Variants in FAM120AOS observed in about 807,000 individuals in gnomAD.
FAM120AOS encodes uncharacterized protein FAM120AOS.
Under a neutral mutation model 20.2 loss-of-function variants are expected in FAM120AOS, and 15 were observed. The ratio of observed to expected loss-of-function variants is 0.74; its 90% CI spans 0.50 to 1.15. The LOEUF (loss-of-function observed/expected upper bound fraction) is 1.15, where lower values mean the gene tolerates loss of function less well. Ranked by LOEUF, FAM120AOS falls within the 50% of genes most tolerant of loss-of-function variation. The probability of loss-of-function intolerance (pLI) is 0.00; values close to 1 mark genes in which losing one functional copy is unlikely to be tolerated. For missense variants in FAM120AOS, 327 were observed against 351.9 expected (o/e 0.93, Z 0.57); for synonymous variants, 154 against 154.0 (o/e 1.00, Z 0.00).
intron 1 of FAM120AOS, chr9:93,450,948 T>G (rs1857131269): frequency 7.4e-7 from 1 of 1,352,262 alleles, no homozygotes; most frequent in East Asian, 2.5e-5. Context: ...AACAGACCTG[T>G]GCTCTCAAGA....
chr9:93,451,704 C>T, intron 1 of FAM120AOS: 1 of 984,556 alleles, frequency 1.0e-6, no homozygotes, highest in Non-Finnish European at 1.2e-6. Context: ...GCAGCGGCGG[C>T]AGCGGCGGCG....
chr9:93,445,946 C>T lies in FAM120AOS; in HGVS notation c.*1665G>A, dbSNP rs1373865112. The stretch of plus-strand genomic sequence containing the variant: ...TCTCATGAATAACTGTGCCAAAATC[C>T]TCACTTCTGAGTGCACTGATGCAGT... On this transcript the variant is annotated 3_prime_UTR_variant, in exon 3 of 3. Transcript: ENST00000375412. 6.6e-6 allele frequency among the ~76,000 whole-genome samples: 1 copy of T among 152,092 alleles called. No individual in the cohort carries two copies. The highest frequency in any genetic ancestry group is 1.9e-4 in the East Asian group (1 of 5,186).
In FAM120AOS at chr9:93,444,824, G is replaced by A. The variant is rs1057383720; in HGVS notation, c.*2787C>T. On this transcript the variant is annotated 3_prime_UTR_variant, in exon 3 of 3. Coordinates refer to ENST00000375412, the MANE Select transcript of FAM120AOS (RefSeq NM_198841.4). ...AGACAGGGTTTCTCCATGTTTGTCAGGCTGGTCTTGAACTCCCGACCTCAG... is the reference window on the plus strand; with the variant it reads ...AGACAGGGTTTCTCCATGTTTGTCAAGCTGGTCTTGAACTCCCGACCTCAG... Among the ~76,000 whole-genome samples, 1 of 152,052 alleles carries A rather than the reference G, an allele frequency of 6.6e-6. No individual in the cohort carries two copies. Among genetic ancestry groups the A allele is most frequent in the African/African-American group, 2.4e-5 (1 of 41,398 alleles).
chr9:93,449,555 C>T (rs1043232831), intron 2 of FAM120AOS, among the ~76,000 whole-genome samples: 6 of 124,712 alleles, frequency 4.8e-5, no homozygotes, highest in African/African-American at 1.9e-4. Flanking sequence ...AGTGCAGTGG[C>T]GTGATCACTG....
At position 93,452,853 on chromosome 9, in the gene FAM120AOS, C is replaced by T; in HGVS notation, c.-144G>A. On this transcript the variant is annotated 5_prime_UTR_variant, in exon 1 of 3. Coordinates refer to ENST00000375412, the MANE Select transcript of FAM120AOS (RefSeq NM_198841.4). This position sits in a 1 kb window ranked among gnomAD's most constrained non-coding sequence, Gnocchi z 7.0. ...TAATAGAGGGGGTTTCGCCAGAGCCCTTGGGGGCTGCAAATATCAGTGCTG... is the reference window on the plus strand; with the variant it reads ...TAATAGAGGGGGTTTCGCCAGAGCCTTTGGGGGCTGCAAATATCAGTGCTG... 1 of 1,490,326 alleles carries T rather than the reference C, an allele frequency of 6.7e-7. No homozygotes were observed. The highest frequency in any genetic ancestry group is 8.9e-7 in the Non-Finnish European group (1 of 1,129,188). The allele number at this position is 1,490,326 out of a possible 1,614,324, so 92.3% of individuals were successfully genotyped here. A position where few individuals can be genotyped will look rare whatever the true frequency, so the allele number is the denominator to read the frequency against.
chr9:93,451,665 CCCTCAGCCTCGGCCTCGG>C, intron 1 of FAM120AOS: 1 of 981,898 alleles, frequency 1.0e-6, no homozygotes, highest in South Asian at 4.5e-5. Flanking sequence ...CCCGCCCCGG[CCCTCAGCCTCGGCCTCGG>C]CCTCGGCCTC....
At position 93,447,591 on chromosome 9, in the gene FAM120AOS, C is replaced by T. The variant is rs199960989; in HGVS notation, c.*20G>A. On this transcript the variant is annotated 3_prime_UTR_variant, in exon 3 of 3. Transcript: ENST00000375412. ...GTTTCTTGTCCTTTCAATGCCTCTG[C>T]AGAACTTGACCCTAGTTTTTCAAAT... 2,373 of 1,610,368 alleles carry T rather than the reference C, an allele frequency of 1.5e-3. 8 individuals carry two copies. Among genetic ancestry groups the T allele is most frequent in the South Asian group, 6.2e-3 (563 of 90,870 alleles).
At chr9:93,450,288 C>G (rs1443169349) in intron 2 of FAM120AOS, among the ~76,000 whole-genome samples, 191 bp downstream of exon 2, 2 of 152,232 alleles carry the variant, frequency 1.3e-5, no homozygotes, top group East Asian at 3.8e-4. Flanking sequence ...CGCACCTGGC[C>G]TGTATTATTT....
chr9:93,448,129 C>T (rs1017374468), intron 2 of FAM120AOS, among the ~76,000 whole-genome samples: 1 of 152,130 alleles, frequency 6.6e-6, no homozygotes, highest in Non-Finnish European at 1.5e-5. Flanking sequence ...TCTCTTATTA[C>T]CTTGTTTGAA....
rs1042624174 is a variant in FAM120AOS, at chr9:93,443,755, G to A, written c.*3856C>T. On this transcript the variant is annotated 3_prime_UTR_variant, in exon 3 of 3. Transcript: ENST00000375412. ...GGAATTCAGCTCATGTACAGAATTA[G>A]AGAATCCTCTTTTCAGGTCTTTGCT... 2.0e-5 allele frequency among the ~76,000 whole-genome samples: 3 copies of A among 152,150 alleles called. No homozygotes were observed. Among genetic ancestry groups the A allele is most frequent in the African/African-American group, 7.2e-5 (3 of 41,434 alleles).
rs538036846 is a variant in FAM120AOS at position 93,444,874 on chromosome 9, A to G, written c.*2737T>C. Among the ~76,000 whole-genome samples, 37 of 152,274 alleles carry G rather than the reference A, an allele frequency of 2.4e-4. No homozygotes were observed. The South Asian group carries it at 7.0e-3, about 29-fold the overall frequency. On this transcript the variant is annotated 3_prime_UTR_variant, in exon 3 of 3. Transcript: ENST00000375412. ...GGTGATCCACCCGCCTCGGCCTCCC[A>G]AAGTGCTGGGATTACAGGAATGAGC...
At chr9:93,450,905 T>G in intron 1 of FAM120AOS, 1 of 1,042,670 alleles carries the variant, frequency 9.6e-7, no homozygotes, top group South Asian at 1.4e-5. Flanking sequence ...GTCTAGCCAT[T>G]GCGCAGTGGT....
At position 93,452,581 on chromosome 9, in the gene FAM120AOS, A is replaced by G. The variant is rs79629992; in HGVS notation, c.129T>C (p.Ala43=). 5,397 of 1,596,618 alleles carry G rather than the reference A, an allele frequency of 3.4e-3. 155 individuals are homozygous for G. In the African/African-American group the frequency reaches 0.063, roughly 19 times the overall value. The change falls in exon 1 of 3, where the codon GCT becomes GCC. Residue 43 remains alanine, a synonymous_variant. Transcript: ENST00000375412. The surrounding 1 kb of genome is among the most constrained non-coding windows in gnomAD (Gnocchi z 7.0). ...RTPNRDSWRR[A]WAARGLHPRP... is the part of the protein sequence containing the mutation. Reference sequence around the variant, plus strand: ...GCGGGTGCAGGCCGCGCGCTGCCCAAGCCCGTCTCCAGCTGTCCCTGTTCG... The same window carrying G: ...GCGGGTGCAGGCCGCGCGCTGCCCAGGCCCGTCTCCAGCTGTCCCTGTTCG...
chr9:93,450,485 C>A lies in FAM120AOS; in HGVS notation c.678G>T (p.Val226=). 6.4e-7 allele frequency: 1 copy of A among 1,568,988 alleles called. No homozygotes were observed. Among genetic ancestry groups the A allele is most frequent in the Non-Finnish European group, 8.6e-7 (1 of 1,160,376 alleles). The change falls in exon 2 of 3, where the codon GTG becomes GTT. Residue 226 remains valine, a synonymous_variant. Transcript: ENST00000375412. ...GCAGAAAAATCCAACTTGCCTTTTTCACCGGGAGTATGGGGGCTTCTTTGG... is the reference window on the plus strand; with the variant it reads ...GCAGAAAAATCCAACTTGCCTTTTTAACCGGGAGTATGGGGGCTTCTTTGG... ...GLAKEAPILP[V]KKISRSCSVN... is the part of the protein sequence containing the mutation.
Position 93,453,210 on chromosome 9 carries a change from A to G in FAM120AOS, c.-501T>C, listed in dbSNP as rs1857363918. On this transcript the variant is annotated 5_prime_UTR_variant, in exon 1 of 3. Coordinates refer to ENST00000375412, the MANE Select transcript of FAM120AOS (RefSeq NM_198841.4). ...CGCAGGATTTATTTTTCGGGTGCAC[A>G]GTAAGTATTCAGTGACCTTCAGCGG... 2 of 1,005,242 alleles carry G rather than the reference A, an allele frequency of 2.0e-6. No individual in the cohort carries two copies. The highest frequency in any genetic ancestry group is 2.4e-6 in the Non-Finnish European group (2 of 843,876). 62.3% of individuals were successfully genotyped at this position (1,005,242 alleles called of 1,614,324 possible).
intron 1 of FAM120AOS, 63 bp from the exon 2 acceptor site, chr9:93,450,662 A>T: frequency 8.8e-6 from 14 of 1,596,548 alleles, no homozygotes; most frequent in Non-Finnish European, 1.2e-5. Flanking sequence ...AAACTTTTAG[A>T]GTGCTGGGTT....
intron 1 of FAM120AOS, chr9:93,451,671 G>A: frequency 3.1e-6 from 3 of 973,578 alleles, no homozygotes; most frequent in Non-Finnish European, 3.6e-6. Context: ...CCGGCCCTCA[G>A]CCTCGGCCTC....
Position 93,452,492 on chromosome 9 carries a change from C to T in FAM120AOS, c.218G>A (p.Cys73Tyr), listed in dbSNP as rs1420506495. Residue 73 changes from cysteine (C) to tyrosine (Y), a missense_variant, in exon 1 of 3, where the codon TGC (cysteine) becomes TAC (tyrosine). Cys to Tyr is a radical substitution (Grantham distance 194). Transcript: ENST00000375412. This position sits in a 1 kb window ranked among gnomAD's most constrained non-coding sequence, Gnocchi z 7.0. ...LSRARAGGTR[C>Y]PQRRHGRATF... Reference sequence around the variant, plus strand: ...CGCCCGGCCGTGGCGGCGCTGGGGGCAGCGAGTTCCCCCAGCCCTTGCCCG... The same window carrying T: ...CGCCCGGCCGTGGCGGCGCTGGGGGTAGCGAGTTCCCCCAGCCCTTGCCCG... 18 of 1,544,220 alleles carry T rather than the reference C, an allele frequency of 1.2e-5. No individual in the cohort carries two copies. Among genetic ancestry groups the T allele is most frequent in the African/African-American group, 1.4e-5 (1 of 73,346 alleles).
Position 93,446,010 on chromosome 9 carries a change from C to T in FAM120AOS, c.*1601G>A, listed in dbSNP as rs760348064. Among the ~76,000 whole-genome samples the T allele has an allele frequency of 6.6e-6, 1 of 151,706 alleles. No homozygotes were observed. Among genetic ancestry groups the T allele is most frequent in the Non-Finnish European group, 1.5e-5 (1 of 67,774 alleles). On this transcript the variant is annotated 3_prime_UTR_variant, in exon 3 of 3. Coordinates refer to ENST00000375412, the MANE Select transcript of FAM120AOS (RefSeq NM_198841.4). ...AGATCCCTCAGCTCCCAGATTGGGC[C>T]AACTCTCCTTATACCACCACACCTG...
Sources: gnomAD v4.1 joint callset for allele counts (sites outside exome capture counted in the v4.1 genomes callset) on GRCh38, gnomAD v4.1.1 for gene constraint, Gnocchi (gnomAD v3.1) non-coding constraint, MANE v1.5 for transcripts, NCBI Gene and HGNC (gene_info 2026-07-23, HGNC 2026-07-21) for gene names.